COL25A1: variants seen among roughly 807,000 people sequenced by gnomAD.
COL25A1 encodes collagen alpha-1(XXV) chain.
COL25A1 carries 103 observed loss-of-function variants against 128.4 expected under a neutral mutation model. That is an observed-to-expected ratio of 0.80 (90% CI 0.68 to 0.94). The LOEUF (loss-of-function observed/expected upper bound fraction) is 0.94, where lower values mean the gene tolerates loss of function less well. COL25A1 is among the 40% of genes least tolerant of loss of function. The probability of loss-of-function intolerance (pLI) is 0.00; values close to 1 mark genes in which losing one functional copy is unlikely to be tolerated. For missense variants in COL25A1, 745 were observed against 840.0 expected, an observed-to-expected ratio of 0.89 and a Z score of 1.40; for synonymous variants, 279 against 277.2, an observed-to-expected ratio of 1.01 and a Z score of -0.06.
chr4:109,301,521 A>C (rs1227068232), intron 2 of COL25A1, among the ~76,000 whole-genome samples: 1 of 152,168 alleles, frequency 6.6e-6, no homozygotes, highest in Non-Finnish European at 1.5e-5. Context: ...GGAAGATTAG[A>C]GATAGGGATG....
intron 3 of COL25A1, among the ~76,000 whole-genome samples, chr4:109,189,547 C>CAAAAAA (rs33989375): frequency 1.3e-4 from 7 of 53,550 alleles, no homozygotes; most frequent in Non-Finnish European, 1.6e-4. Context: ...GACTCCATCT[C>CAAAAAA]AAAAAAAAAA....
intron 11 of COL25A1, among the ~76,000 whole-genome samples, chr4:108,936,800 AATATATAT>A (rs138668509): frequency 1.5e-5 from 2 of 134,728 alleles, no homozygotes; most frequent in African/African-American, 5.3e-5. Flanking sequence ...CTGTTTCTTA[AATATATAT>A]ATATATATAT....
At chr4:108,819,418 G>T (rs752034234) in intron 35 of COL25A1, 89 bp from the exon 36 acceptor site, 6 of 1,046,480 alleles carry the variant, frequency 5.7e-6, no homozygotes, top group South Asian at 1.5e-5. Flanking sequence ...AACAACAAAG[G>T]CTGGGAGAGG....
intron 3 of COL25A1, among the ~76,000 whole-genome samples, chr4:109,242,154 ATCT>A (rs1046515211): frequency 1.3e-5 from 2 of 151,944 alleles, no homozygotes; most frequent in African/African-American, 4.8e-5. Flanking sequence ...GCACACACTT[ATCT>A]TCTTGCCATC....
At chr4:109,277,664 T>C (rs1026556703) in intron 3 of COL25A1, among the ~76,000 whole-genome samples, 1 of 152,170 alleles carries the variant, frequency 6.6e-6, no homozygotes, top group Non-Finnish European at 1.5e-5. Flanking sequence ...TTTCACTTAA[T>C]AGTAAATACC....
intron 3 of COL25A1, among the ~76,000 whole-genome samples, chr4:109,245,851 G>C (rs984645736): frequency 2.0e-5 from 3 of 152,056 alleles, no homozygotes; most frequent in African/African-American, 7.2e-5. Context: ...AGACAGGCAA[G>C]TTCACACCAC....
chr4:109,231,476 T>C (rs1475051719), intron 3 of COL25A1, among the ~76,000 whole-genome samples: 1 of 152,168 alleles, frequency 6.6e-6, no homozygotes, highest in Non-Finnish European at 1.5e-5. Context: ...GTGTGTATTA[T>C]ATATCAAAGA....
intron 6 of COL25A1, among the ~76,000 whole-genome samples, chr4:108,996,385 A>AG (rs1754776345): frequency 6.6e-6 from 1 of 152,204 alleles, no homozygotes; most frequent in Non-Finnish European, 1.5e-5. Context: ...AGGCCATTAC[A>AG]TAATGGTAAA....
chr4:109,146,170 T>G (rs2126093972), intron 3 of COL25A1, among the ~76,000 whole-genome samples: 1 of 152,330 alleles, frequency 6.6e-6, no homozygotes, highest in South Asian at 2.1e-4. Context: ...GAGGATTTTT[T>G]TAAAATCAGA....
chr4:108,859,657 T>C lies in COL25A1; in HGVS notation c.1319A>G (p.Gln440Arg). Residue 440 changes from glutamine to arginine, a missense_variant and splice_region_variant, in exon 24 of 38, where the codon CAG becomes CGG. Transcript: ENST00000399132. ...DYNGNLHEAL[Q>R]RITTLTVTGP... ...TCAGGGCAGGGACCAGTCACTTGCC[T>C]GTAAGGCTTCGTGGAGGTTGCCGTT... 2 of 1,613,446 alleles carry C rather than the reference T, an allele frequency of 1.2e-6. No individual in the cohort carries two copies. The highest frequency in any genetic ancestry group is 1.7e-6 in the Non-Finnish European group (2 of 1,179,714).
chr4:109,213,370 G>A (rs867770385), intron 3 of COL25A1, among the ~76,000 whole-genome samples: 4 of 152,102 alleles, frequency 2.6e-5, no homozygotes, highest in Non-Finnish European at 5.9e-5. Flanking sequence ...TGGGCTCTGC[G>A]ACTATTAATT....
At chr4:109,099,863 T>G (rs761918060) in intron 3 of COL25A1, among the ~76,000 whole-genome samples, 1 of 152,136 alleles carries the variant, frequency 6.6e-6, no homozygotes, top group Non-Finnish European at 1.5e-5. Context: ...TTAAAACTAT[T>G]TGAACTGCTA....
At chr4:108,864,521 T>C (rs755563088) in intron 20 of COL25A1, among the ~76,000 whole-genome samples, 9 of 152,242 alleles carry the variant, frequency 5.9e-5, no homozygotes, top group Non-Finnish European at 1.2e-4. Context: ...TTTTAATATA[T>C]TCATATCTCT....
chr4:109,192,131 T>C (rs1398269560), intron 3 of COL25A1, among the ~76,000 whole-genome samples: 1 of 152,198 alleles, frequency 6.6e-6, no homozygotes, highest in Non-Finnish European at 1.5e-5. Context: ...TGATTCCATT[T>C]GGCTAGAATA....
chr4:109,078,601 G>GA (rs1763577343), intron 3 of COL25A1, among the ~76,000 whole-genome samples: 1 of 151,330 alleles, frequency 6.6e-6, no homozygotes. Context: ...ATGGAATATA[G>GA]AAAAAAAGAC....
intron 3 of COL25A1, among the ~76,000 whole-genome samples, chr4:109,104,778 C>T (rs975093852): frequency 1.3e-5 from 2 of 152,080 alleles, no homozygotes; most frequent in East Asian, 3.9e-4. Context: ...ACATCTCAAC[C>T]AGTTGTAAGA....
chr4:109,253,910 A>T (rs959584987), intron 3 of COL25A1, among the ~76,000 whole-genome samples: 1 of 152,088 alleles, frequency 6.6e-6, no homozygotes, highest in Non-Finnish European at 1.5e-5. Context: ...ACACGGTGAA[A>T]CCCTGTCTCT....
At chr4:108,863,212 G>T (rs900167209) in intron 21 of COL25A1, 107 bp downstream of exon 21, 3 of 1,001,760 alleles carry the variant, frequency 3.0e-6, no homozygotes, top group Admixed American at 4.2e-5. Flanking sequence ...CAAACTATTT[G>T]TGATTTGGGC....
At chr4:108,974,722 T>C (rs560107862) in intron 6 of COL25A1, among the ~76,000 whole-genome samples, 163 bp from the exon 7 acceptor site, 2 of 152,232 alleles carry the variant, frequency 1.3e-5, no homozygotes, top group African/African-American at 4.8e-5. Flanking sequence ...TATTAGAATG[T>C]GAAACATATA....
Sources: gnomAD v4.1 joint callset for allele counts (sites outside exome capture counted in the v4.1 genomes callset) on GRCh38, gnomAD v4.1.1 for gene constraint, MANE v1.5 for transcripts, NCBI Gene and HGNC (gene_info 2026-07-23, HGNC 2026-07-21) for gene names.